FAM184A: variants seen among roughly 807,000 people sequenced by gnomAD.
FAM184A encodes family with sequence similarity 184 member A, also known as protein FAM184A.
A neutral mutation model predicts 143.8 loss-of-function variants in FAM184A; 99 were observed. The observed-to-expected ratio is 0.69, with a 90% CI of 0.58 to 0.81. FAM184A has a LOEUF of 0.81. Ranked by LOEUF, FAM184A falls within the 40% of genes least tolerant of loss-of-function variation. The pLI is 0.00. For synonymous variants in FAM184A, 427 were observed against 446.4 expected (o/e 0.96, Z 0.55); for missense variants, 1,217 against 1,310.5 (o/e 0.93, Z 1.10).
chr6:118,986,854 T>G (rs1243985671), intron 9 of FAM184A, among the ~76,000 whole-genome samples: 2 of 152,202 alleles, frequency 1.3e-5, no homozygotes, highest in Non-Finnish European at 2.9e-5. Context: ...CATGCCAAAA[T>G]TTGTACTATG....
chr6:119,079,386 G>A (rs929429211), upstream of FAM184A, among the ~76,000 whole-genome samples: 1 of 152,102 alleles, frequency 6.6e-6, no homozygotes, highest in Non-Finnish European at 1.5e-5. Context: ...CGGAGTGAAA[G>A]TAATGGTAAA....
At chr6:119,124,820 A>G (rs750477723) in intron 1 of FAM184A, among the ~76,000 whole-genome samples, 2 of 152,088 alleles carry the variant, frequency 1.3e-5, no homozygotes. Flanking sequence ...TTCCAAGTAG[A>G]TACAACCTCA....
intron 9 of FAM184A, among the ~76,000 whole-genome samples, chr6:118,992,533 T>C (rs1784411819): frequency 6.6e-6 from 1 of 152,144 alleles, no homozygotes; most frequent in Non-Finnish European, 1.5e-5. Context: ...GAGGACATAG[T>C]AAGAAGATAG....
intron 1 of FAM184A, among the ~76,000 whole-genome samples, chr6:119,036,141 G>A (rs1220638415): frequency 3.9e-5 from 6 of 152,002 alleles, no homozygotes; most frequent in African/African-American, 1.2e-4. Flanking sequence ...GAATAGAATG[G>A]GAACAAATGC....
chr6:119,011,741 C>CT (rs35616401), intron 5 of FAM184A, among the ~76,000 whole-genome samples: 2 of 152,092 alleles, frequency 1.3e-5, no homozygotes, highest in South Asian at 4.1e-4. Context: ...ATTCAAAATT[C>CT]TTTTTTTCCC....
rs114906564 is a variant in FAM184A at position 119,014,237 on chromosome 6, C to G, written c.1530+2510G>C. 8.0e-3 allele frequency among the ~76,000 whole-genome samples: 1,219 copies of G among 152,330 alleles called. 12 individuals are homozygous for G. The highest frequency in any genetic ancestry group is 0.027 in the African/African-American group (1,130 of 41,582). ...AGTACTAATAACTAATTTTTATCAT[C>G]ATGTGCTAGAACATGGCTTGGTACT... On this transcript the variant is annotated intron_variant, in intron 5 of 17. Coordinates refer to ENST00000338891, the MANE Select transcript of FAM184A (RefSeq NM_024581.6).
In FAM184A at chr6:118,975,215, A is replaced by T; in HGVS notation, c.2584-7T>A. On this transcript the variant is annotated splice_polypyrimidine_tract_variant and splice_region_variant and intron_variant, in intron 12 of 17. Transcript: ENST00000338891. Reference sequence around the variant, plus strand: ...TACATATGTGCTCCTTACTCTGTTAAAAAAAAAAAGTCATTTTTAGAAGTT... The same window carrying T: ...TACATATGTGCTCCTTACTCTGTTATAAAAAAAAAGTCATTTTTAGAAGTT... 1 of 1,484,898 alleles carries T rather than the reference A, an allele frequency of 6.7e-7. No homozygotes were observed. Among genetic ancestry groups the T allele is most frequent in the Non-Finnish European group, 9.0e-7 (1 of 1,112,278 alleles). The allele number at this position is 1,484,898 out of a possible 1,614,324, so 92.0% of individuals were successfully genotyped here. A position where few individuals can be genotyped will look rare whatever the true frequency, so the allele number is the denominator to read the frequency against.
At chr6:119,079,517 C>A (rs959246575), upstream of FAM184A, among the ~76,000 whole-genome samples, 4 of 152,194 alleles carry the variant, frequency 2.6e-5, no homozygotes, top group African/African-American at 9.7e-5. Flanking sequence ...TTTCTCTTAA[C>A]ATCTCTACCC....
At chr6:118,977,114 G>A (rs1033572215) in intron 11 of FAM184A, among the ~76,000 whole-genome samples, 2 of 152,178 alleles carry the variant, frequency 1.3e-5, no homozygotes, top group South Asian at 4.1e-4. Context: ...AGCTTTATTT[G>A]TAACAGCTAA....
At chr6:119,122,269 G>A (rs1419886139) in intron 1 of FAM184A, among the ~76,000 whole-genome samples, 1 of 152,090 alleles carries the variant, frequency 6.6e-6, no homozygotes, top group East Asian at 1.9e-4. Context: ...GCATTAATAG[G>A]GTTTCTAGAG....
chr6:119,098,142 C>T (rs750390346), intron 1 of FAM184A, among the ~76,000 whole-genome samples: 1 of 152,110 alleles, frequency 6.6e-6, no homozygotes. Context: ...ATACTGTACT[C>T]GTGGTAGTGA....
intron 9 of FAM184A, among the ~76,000 whole-genome samples, chr6:118,985,085 A>G (rs1405274109): frequency 2.0e-5 from 3 of 152,366 alleles, no homozygotes; most frequent in African/African-American, 7.2e-5. Context: ...CTCTCTTGAT[A>G]TAATTCACCG....
chr6:119,045,652 C>T (rs1041523264), intron 1 of FAM184A, among the ~76,000 whole-genome samples: 1 of 152,100 alleles, frequency 6.6e-6, no homozygotes, highest in Admixed American at 6.6e-5. Context: ...GCCTGCCTGC[C>T]TCATATACAG....
intron 1 of FAM184A, among the ~76,000 whole-genome samples, chr6:119,129,493 T>G (rs927572978): frequency 6.6e-6 from 1 of 152,176 alleles, no homozygotes; most frequent in Admixed American, 6.5e-5. Flanking sequence ...AGTCTTTACA[T>G]GTGTTTCAAT....
chr6:118,970,001 TA>T (rs1487970829), intron 14 of FAM184A, among the ~76,000 whole-genome samples: 1 of 33,868 alleles, frequency 3.0e-5, no homozygotes, highest in East Asian at 1.1e-3. Flanking sequence ...ATAATATATA[TA>T]TATATATTTT....
rs1207616360 is a variant in FAM184A at position 119,137,268 on chromosome 6, G to A, written c.-202+11810C>T. Among the ~76,000 whole-genome samples the A allele has an allele frequency of 4.0e-5, 6 of 151,682 alleles. 1 individual carries two copies. The highest frequency in any genetic ancestry group is 1.5e-4 in the African/African-American group (6 of 41,364). On this transcript the variant is annotated intron_variant, in intron 1 of 16. Transcript: ENST00000352896. ...CTCACATGGTCTTTCTTCTGTGTGTGTGTGTATGTGTGTGTATGCTTGTGT... is the reference window on the plus strand; with the variant it reads ...CTCACATGGTCTTTCTTCTGTGTGTATGTGTATGTGTGTGTATGCTTGTGT...
Position 118,969,959 on chromosome 6 carries a change from A to G in FAM184A, c.2916-3007T>C, listed in dbSNP as rs555056122. On this transcript the variant is annotated intron_variant, in intron 14 of 17. Coordinates refer to ENST00000338891, the MANE Select transcript of FAM184A (RefSeq NM_024581.6). ...TTGGTTCTTTAATCTTTCTAATCAC[A>G]AGAAAAAAAAATTGTTTGGGTGTAT... Among the ~76,000 whole-genome samples, 276 of 114,816 alleles carry G rather than the reference A, an allele frequency of 2.4e-3. 1 individual carries two copies. The highest frequency in any genetic ancestry group is 4.0e-3 in the Non-Finnish European group (225 of 56,780). 75.3% of individuals were successfully genotyped at this position (114,816 alleles called of 152,430 possible).
chr6:119,094,035 T>TTC (rs1562147627), intron 1 of FAM184A, among the ~76,000 whole-genome samples: 12 of 123,212 alleles, frequency 9.7e-5, no homozygotes, highest in Admixed American at 8.3e-4. Flanking sequence ...TTCTTTCCTT[T>TTC]CTTCCTTCCT....
intron 14 of FAM184A, among the ~76,000 whole-genome samples, chr6:118,972,239 T>C (rs1336976800): frequency 1.3e-5 from 2 of 152,234 alleles, no homozygotes; most frequent in East Asian, 1.9e-4. Context: ...GCTATTTACA[T>C]TTAAATTAAT....
Sources: gnomAD v4.1 joint callset for allele counts (sites outside exome capture counted in the v4.1 genomes callset) on GRCh38, gnomAD v4.1.1 for gene constraint, MANE v1.5 for transcripts, NCBI Gene and HGNC (gene_info 2026-07-23, HGNC 2026-07-21) for gene names.